The following STK38L variants were observed in gnomAD, a reference collection of about 807,000 sequenced individuals.
STK38L encodes serine/threonine kinase 38 like.
In STK38L, 28 loss-of-function variants were observed where a neutral mutation model predicts 59.7. The observed-to-expected ratio is 0.47, with a 90% CI of 0.35 to 0.64. The LOEUF is 0.64. STK38L is among the 30% of genes least tolerant of loss of function. The probability of loss-of-function intolerance (pLI) is 0.01; values close to 1 mark genes in which losing one functional copy is unlikely to be tolerated. For synonymous variants in STK38L, 162 were observed against 176.8 expected (o/e 0.92, Z 0.66); for missense variants, 314 against 555.8 (o/e 0.56, Z 4.37).
At chr12:27,313,196 C>G (rs931105371) in intron 6 of STK38L, among the ~76,000 whole-genome samples, 3 of 148,378 alleles carry the variant, frequency 2.0e-5, no homozygotes, top group East Asian at 2.0e-4. Flanking sequence ...TGCAGTGAGC[C>G]GAGATAGCGC....
At chr12:27,273,552 C>T (rs752928975) in intron 1 of STK38L, among the ~76,000 whole-genome samples, 10 of 152,090 alleles carry the variant, frequency 6.6e-5, no homozygotes, top group Admixed American at 4.6e-4. Flanking sequence ...AAGCATATTA[C>T]CTACCACATA....
intron 1 of STK38L, among the ~76,000 whole-genome samples, chr12:27,244,660 G>T: frequency 6.6e-6 from 1 of 152,190 alleles, no homozygotes; most frequent in South Asian, 2.1e-4. Flanking sequence ...AATAACAAAT[G>T]TCGCGGATCC....
intron 1 of STK38L, among the ~76,000 whole-genome samples, chr12:27,276,968 T>C (rs1943549973): frequency 6.6e-6 from 1 of 152,194 alleles, no homozygotes; most frequent in African/African-American, 2.4e-5. Context: ...ATGTATAACC[T>C]TACATTGAAT....
intron 12 of STK38L, 108 bp downstream of exon 12, chr12:27,319,531 A>G (rs986504542): frequency 1.4e-6 from 1 of 709,778 alleles, no homozygotes; most frequent in South Asian, 2.1e-5. Flanking sequence ...AGTAACATAT[A>G]ATGTCATTAA....
chr12:27,253,554 G>A (rs1401475579), intron 1 of STK38L, among the ~76,000 whole-genome samples: 1 of 152,150 alleles, frequency 6.6e-6, no homozygotes, highest in Non-Finnish European at 1.5e-5. Context: ...CAGAAGCTGG[G>A]CAGGTGACTG....
chr12:27,255,980 G>A (rs11048952), intron 1 of STK38L, among the ~76,000 whole-genome samples: 9,794 of 152,158 alleles, frequency 0.064, 424 homozygotes, highest in Non-Finnish European at 0.096. Context: ...AGTGCATGGC[G>A]TTGTTCTCTA....
chr12:27,262,921 C>T (rs1943231947), intron 1 of STK38L, among the ~76,000 whole-genome samples: 1 of 151,524 alleles, frequency 6.6e-6, no homozygotes, highest in African/African-American at 2.4e-5. Flanking sequence ...ATCTCAGCTT[C>T]CCGAGTAGCT....
chr12:27,250,788 C>T (rs1354891707), intron 1 of STK38L, among the ~76,000 whole-genome samples: 1 of 151,954 alleles, frequency 6.6e-6, no homozygotes, highest in Non-Finnish European at 1.5e-5. Flanking sequence ...ATCACGAGGT[C>T]AGGAGATTGA....
At chr12:27,257,864 CTT>C (rs112918365) in intron 1 of STK38L, among the ~76,000 whole-genome samples, 145 of 140,502 alleles carry the variant, frequency 1.0e-3, no homozygotes, top group Middle Eastern at 3.6e-3. Context: ...TTATGTCAAG[CTT>C]TTTTTTTTTT....
rs749350464 is a variant in STK38L at position 27,315,347 on chromosome 12, A to G, written c.834A>G (p.Gln278=). ...AAACTTGGAAGAAGAACAGGAGACA[A>G]CTGGTGAGTCAACCAGTTTTTAAGA... ...KAETWKKNRR[Q]LAYSTVGTPD... Residue 278 remains glutamine (Q), a synonymous_variant, in exon 9 of 14, where the codon CAA becomes CAG. Transcript: ENST00000389032. 58 of 1,613,174 alleles carry G rather than the reference A, an allele frequency of 3.6e-5. 1 individual carries two copies. The highest frequency in any genetic ancestry group is 4.4e-5 in the Non-Finnish European group (52 of 1,179,662).
intron 1 of STK38L, among the ~76,000 whole-genome samples, chr12:27,286,763 A>G (rs1943782004): frequency 6.6e-6 from 1 of 152,208 alleles, no homozygotes; most frequent in African/African-American, 2.4e-5. Flanking sequence ...CCTGTTAGAA[A>G]GGGTCACATC....
rs756523656 is a variant in STK38L, at chr12:27,317,434, T to G, written c.936T>G (p.Ile312Met). 6.2e-7 allele frequency: 1 copy of G among 1,610,830 alleles called. No homozygotes were observed. The highest frequency in any genetic ancestry group is 2.2e-5 in the East Asian group (1 of 44,850). The change falls in exon 10 of 14, where the codon ATT becomes ATG. Residue 312 changes from isoleucine to methionine, a missense_variant. Around this residue, in one of 3 missense-constraint regions of STK38L, gnomAD observed 28 missense variants for 96.7 expected, o/e 0.29. Transcript: ENST00000389032. ...KLCDWWSLGV[I>M]MYEMLIGYPP... Reference sequence around the variant, plus strand: ...GTGACTGGTGGTCTTTGGGAGTGATTATGTATGAAATGCTAATAGGTATGT... The same window carrying G: ...GTGACTGGTGGTCTTTGGGAGTGATGATGTATGAAATGCTAATAGGTATGT...
intron 1 of STK38L, among the ~76,000 whole-genome samples, chr12:27,246,408 T>G (rs962558334): frequency 6.6e-6 from 1 of 152,206 alleles, no homozygotes; most frequent in Non-Finnish European, 1.5e-5. Context: ...CGATGTATTG[T>G]TAAAATGCTT....
chr12:27,256,767 A>G (rs1171840363), intron 1 of STK38L, among the ~76,000 whole-genome samples: 1 of 152,210 alleles, frequency 6.6e-6, no homozygotes, highest in Non-Finnish European at 1.5e-5. Context: ...TGCAAGAGTA[A>G]TATTTGAAGA....
At chr12:27,311,678 C>T (rs548273937) in intron 5 of STK38L, among the ~76,000 whole-genome samples, 1 of 152,206 alleles carries the variant, frequency 6.6e-6, no homozygotes, top group African/African-American at 2.4e-5. Context: ...CCAAAAGTTA[C>T]ACAAATTTGC....
chr12:27,277,837 C>T (rs1490703531), intron 1 of STK38L, among the ~76,000 whole-genome samples: 1 of 151,850 alleles, frequency 6.6e-6, no homozygotes, highest in East Asian at 1.9e-4. Context: ...AAGTCTAGAG[C>T]TGGTAAAAAT....
chr12:27,300,506 G>A, intron 2 of STK38L: 1 of 455,954 alleles, frequency 2.2e-6, no homozygotes, highest in Non-Finnish European at 4.4e-6. Flanking sequence ...ATATGTTATA[G>A]CTCCTCCCAG....
intron 1 of STK38L, among the ~76,000 whole-genome samples, chr12:27,246,116 A>G (rs1423177905): frequency 1.3e-5 from 2 of 152,236 alleles, no homozygotes; most frequent in Admixed American, 1.3e-4. Flanking sequence ...TTTATGCTGA[A>G]AACTTGATTT....
chr12:27,274,484 G>A (rs1235936236), intron 1 of STK38L, among the ~76,000 whole-genome samples: 1 of 152,130 alleles, frequency 6.6e-6, no homozygotes, highest in East Asian at 1.9e-4. Context: ...TTTTGTTTGT[G>A]CATTTTATCA....
Sources: gnomAD v4.1 joint callset for allele counts (sites outside exome capture counted in the v4.1 genomes callset) on GRCh38, gnomAD v4.1.1 for gene constraint, gnomAD v4.1.1 regional missense constraint, MANE v1.5 for transcripts, NCBI Gene and HGNC (gene_info 2026-07-23, HGNC 2026-07-21) for gene names.